The following HEG1 variants were observed in gnomAD, a reference collection of about 807,000 sequenced individuals.
HEG1 encodes the protein heart development protein with EGF like domains 1, also known as protein HEG homolog 1.
Under a neutral mutation model 125.6 loss-of-function variants are expected in HEG1, and 56 were observed. The observed-to-expected ratio is 0.45, with a 90% CI of 0.36 to 0.56. The LOEUF (loss-of-function observed/expected upper bound fraction) is 0.56. HEG1 is among the 20% of genes least tolerant of loss of function. The pLI is 0.00. For synonymous variants in HEG1, 644 were observed against 668.5 expected (o/e 0.96, Z 0.57); for missense variants, 1,523 against 1,670.0 (o/e 0.91, Z 1.53).
Position 124,990,786 on chromosome 3 carries a change from C to T in HEG1, c.3733+1G>A, listed in dbSNP as rs772843468. ...ATAATGGTCCACTTTTGTACACTTA[C>T]GGTTTCCACAGTTGAGACCACCAAG... On this transcript the variant is annotated splice_donor_variant, in intron 14 of 16. Coordinates refer to ENST00000311127, the MANE Select transcript of HEG1 (RefSeq NM_020733.2). LOFTEE classifies it high-confidence loss of function. 1.4e-5 allele frequency: 22 copies of T among 1,560,384 alleles called. No individual in the cohort carries two copies. Among genetic ancestry groups the T allele is most frequent in the Middle Eastern group, 3.3e-4 (2 of 6,018 alleles).
intron 1 of HEG1, among the ~76,000 whole-genome samples, chr3:125,053,481 A>G (rs1196586119): frequency 1.3e-5 from 2 of 152,114 alleles, no homozygotes; most frequent in Non-Finnish European, 2.9e-5. Context: ...TGTTCATTTC[A>G]TCTCTTCTAA....
chr3:125,000,088 T>G (rs1019544722), intron 11 of HEG1, among the ~76,000 whole-genome samples: 10 of 152,156 alleles, frequency 6.6e-5, no homozygotes, highest in African/African-American at 2.4e-4. Context: ...TGGCAAAACC[T>G]GGAGAAGACC....
chr3:124,973,805 C>T lies in HEG1; in HGVS notation c.3922G>A (p.Gly1308Ser). The change falls in exon 16 of 17, where the codon GGC becomes AGC. Residue 1308 changes from glycine to serine, a missense_variant. By Grantham distance (56) the Gly-to-Ser change is moderately conservative. Transcript: ENST00000311127. ...YPKNPRSQEW[G>S]REAIEMHENG... ...TCATGCATTTCAATAGCTTCTCGGC[C>T]CCATTCTTGTGAGCGAGGATTTTTG... The T allele has an allele frequency of 1.2e-6, 2 of 1,613,866 alleles. No homozygotes were observed. The highest frequency in any genetic ancestry group is 1.7e-6 in the Non-Finnish European group (2 of 1,179,816).
At chr3:124,985,612 A>G (rs1172326349) in intron 14 of HEG1, among the ~76,000 whole-genome samples, 1 of 152,158 alleles carries the variant, frequency 6.6e-6, no homozygotes, top group Non-Finnish European at 1.5e-5. Flanking sequence ...TTTGCTGTTG[A>G]AATTGGTGGA....
chr3:125,047,668 T>C (rs901717335), intron 1 of HEG1, among the ~76,000 whole-genome samples: 36 of 152,200 alleles, frequency 2.4e-4, no homozygotes, highest in African/African-American at 8.2e-4. Context: ...CGTCCCCAAG[T>C]TGAAGCTGTT....
chr3:124,992,675 TGTTGAATCTTCTTCCTCC>T, intron 12 of HEG1, among the ~76,000 whole-genome samples: 1 of 152,370 alleles, frequency 6.6e-6, no homozygotes, highest in South Asian at 2.1e-4. Flanking sequence ...CATGACGATG[TGTTGAATCTTCTTCCTCC>T]TACTTTCTTA....
chr3:124,967,959 G>T lies in HEG1; in HGVS notation c.*2693C>A. 6.6e-6 allele frequency: 1 copy of T among 152,534 alleles called. No individual in the cohort carries two copies. 9.4% of individuals were successfully genotyped at this position (152,534 alleles called of 1,614,324 possible). A position where few individuals can be genotyped will look rare whatever the true frequency, so the allele number is the denominator to read the frequency against. ...GCCACCCTTCCCTGCTGCAGTGTGTGACGGGACACACAGATGCCCCTGCGC... is the reference window on the plus strand; with the variant it reads ...GCCACCCTTCCCTGCTGCAGTGTGTTACGGGACACACAGATGCCCCTGCGC... On this transcript the variant is annotated 3_prime_UTR_variant, in exon 17 of 17. Transcript: ENST00000311127.
chr3:125,048,830 A>G lies in HEG1; in HGVS notation c.316+6745T>C, dbSNP rs115496281. The stretch of plus-strand genomic sequence containing the variant: ...TGGGGAGGAAGAGAGCAGATTCACC[A>G]TGTATTCTGGAAACAGGATCACCTG... On this transcript the variant is annotated intron_variant, in intron 1 of 16. Coordinates refer to ENST00000311127, the MANE Select transcript of HEG1 (RefSeq NM_020733.2). Among the ~76,000 whole-genome samples the G allele has an allele frequency of 1.5e-3, 229 of 152,324 alleles. 1 individual carries two copies. The highest frequency in any genetic ancestry group is 2.9e-3 in the Non-Finnish European group (199 of 68,020).
At chr3:124,996,027 C>G (rs1316129943) in intron 12 of HEG1, among the ~76,000 whole-genome samples, 2 of 152,116 alleles carry the variant, frequency 1.3e-5, no homozygotes, top group Non-Finnish European at 2.9e-5. Context: ...AGCACAGCGC[C>G]CCAACACACA....
intron 11 of HEG1, among the ~76,000 whole-genome samples, chr3:124,999,786 T>G (rs1936974179): frequency 6.6e-6 from 1 of 152,236 alleles, no homozygotes. Flanking sequence ...CCATGGTCTT[T>G]CCTGGGCATA....
At position 125,020,912 on chromosome 3, in the gene HEG1, C is replaced by G; in HGVS notation, c.1132G>C (p.Ala378Pro). Residue 378 changes from alanine to proline, a missense_variant, in exon 4 of 17, where the codon GCA (alanine) becomes CCA (proline). Coordinates refer to ENST00000311127, the MANE Select transcript of HEG1 (RefSeq NM_020733.2). ...CTACTGTTTCTTCTCGATTCCACTG[C>G]AGAGGGTGAAAGAAGGACTGAGGAT... is the stretch of plus-strand genomic sequence containing the variant. ...TSSSVLLSPS[A>P]VESRRNSRVT... 1 of 1,614,020 alleles carries G rather than the reference C, an allele frequency of 6.2e-7. No individual in the cohort carries two copies. The highest frequency in any genetic ancestry group is 8.5e-7 in the Non-Finnish European group (1 of 1,179,892).
At chr3:125,035,191 C>T (rs926441386) in intron 1 of HEG1, among the ~76,000 whole-genome samples, 6 of 152,150 alleles carry the variant, frequency 3.9e-5, no homozygotes, top group Admixed American at 2.6e-4. Flanking sequence ...GTCTCAAACT[C>T]CTGACCTCAG....
At chr3:125,043,687 T>C (rs1442705895) in intron 1 of HEG1, among the ~76,000 whole-genome samples, 1 of 152,110 alleles carries the variant, frequency 6.6e-6, no homozygotes, top group Non-Finnish European at 1.5e-5. Flanking sequence ...CCCAGTCCCC[T>C]CTGGACGCGA....
rs1315645633 is a variant in HEG1, at chr3:125,019,462, C to CTGT, written c.1385_1387dup (p.Asn462dup). The CTGT allele has an allele frequency of 6.2e-7, 1 of 1,613,908 alleles. No homozygotes were observed. Among genetic ancestry groups the CTGT allele is most frequent in the Non-Finnish European group, 8.5e-7 (1 of 1,179,908 alleles). On this transcript the variant is annotated inframe_insertion, in exon 5 of 17. Coordinates refer to ENST00000311127, the MANE Select transcript of HEG1 (RefSeq NM_020733.2). ...TCCTGTCACATCTGCAGATGTTGTG[C>CTGT]TGTTGGTCAAGAGCCAGTGTGCAGT...
At chr3:125,024,124 T>C (rs2948787) in intron 3 of HEG1, among the ~76,000 whole-genome samples, 74,513 of 152,062 alleles carry the variant, frequency 0.49, 18,704 homozygotes, top group Middle Eastern at 0.64. Flanking sequence ...CATTATTATA[T>C]CCTCAGCTCC....
At chr3:124,992,202 C>A (rs561466963) in intron 12 of HEG1, among the ~76,000 whole-genome samples, 1 of 152,102 alleles carries the variant, frequency 6.6e-6, no homozygotes, top group South Asian at 2.1e-4. Flanking sequence ...GTGTGCTAAT[C>A]GGCACCTTGC....
At chr3:125,003,267 T>C (rs1937026133) in intron 9 of HEG1, among the ~76,000 whole-genome samples, 1 of 152,188 alleles carries the variant, frequency 6.6e-6, no homozygotes, top group African/African-American at 2.4e-5. Context: ...ACCAGTAAAT[T>C]ATACATTGAT....
intron 2 of HEG1, 21 bp from the exon 3 acceptor site, chr3:125,027,528 T>G: frequency 6.4e-7 from 1 of 1,567,190 alleles, no homozygotes; most frequent in Non-Finnish European, 8.6e-7. Context: ...ACAAAAACAA[T>G]TAGAATTCCA....
intron 9 of HEG1, 81 bp downstream of exon 9, chr3:125,005,184 C>A (rs1937054407): frequency 2.2e-5 from 18 of 806,950 alleles, no homozygotes. Flanking sequence ...ACACAGCTGA[C>A]CGCTAGGCAG....
Sources: gnomAD v4.1 joint callset for allele counts (sites outside exome capture counted in the v4.1 genomes callset) on GRCh38, gnomAD v4.1.1 for gene constraint, MANE v1.5 for transcripts, NCBI Gene and HGNC (gene_info 2026-07-23, HGNC 2026-07-21) for gene names.